LHCGR: variants seen among roughly 807,000 people sequenced by gnomAD.
LHCGR encodes the protein luteinizing hormone/choriogonadotropin receptor.
LHCGR carries 55 observed loss-of-function variants against 60.7 expected under a neutral mutation model. The ratio of observed to expected loss-of-function variants is 0.91; its 90% CI spans 0.73 to 1.13. The LOEUF (loss-of-function observed/expected upper bound fraction) is 1.13, where lower values mean the gene tolerates loss of function less well. Among genes scored for constraint, LHCGR ranks in the 50% most tolerant of loss-of-function variants. The pLI is 0.00. For synonymous variants in LHCGR, 337 were observed against 316.5 expected (o/e 1.06, Z -0.69); for missense variants, 862 against 836.0 (o/e 1.03, Z -0.38).
intron 6 of LHCGR, among the ~76,000 whole-genome samples, chr2:48,719,666 G>T (rs1446183210): frequency 6.6e-6 from 1 of 152,148 alleles, no homozygotes; most frequent in Non-Finnish European, 1.5e-5. Flanking sequence ...CATAGTTTTA[G>T]CATTAGCCCC....
chr2:48,696,310 T>C lies in LHCGR; in HGVS notation c.867-2006A>G, dbSNP rs1207172350. On this transcript the variant is annotated intron_variant, in intron 9 of 10. Coordinates refer to ENST00000294954, the MANE Select transcript of LHCGR (RefSeq NM_000233.4). ...ACTGCATTCATTAAGAATTTGGACA[T>C]TATGGAAAAGGACAGGCTCAGAAGG... Among the ~76,000 whole-genome samples the C allele has an allele frequency of 3.9e-5, 6 of 152,186 alleles. 1 individual carries two copies.
chr2:48,690,848 A>G (rs550772388), intron 10 of LHCGR, among the ~76,000 whole-genome samples: 1 of 152,356 alleles, frequency 6.6e-6, no homozygotes, highest in Admixed American at 6.5e-5. Flanking sequence ...CTTCTTGAAA[A>G]CAGAGGACTA....
At position 48,687,080 on chromosome 2, in the gene LHCGR, C is replaced by G. The variant is rs1437315126; in HGVS notation, c.*617G>C. The G allele has an allele frequency of 6.6e-6, 1 of 152,302 alleles. No individual in the cohort carries two copies. Among genetic ancestry groups the G allele is most frequent in the Non-Finnish European group, 1.5e-5 (1 of 68,148 alleles). The allele number at this position is 152,302 out of a possible 1,614,324, so 9.4% of individuals were successfully genotyped here. ...CCAGATAGGGCATAGATAAAAGTCT[C>G]TATAATAGAACAGATAGAACTTTCT... is the stretch of plus-strand genomic sequence containing the variant. On this transcript the variant is annotated 3_prime_UTR_variant, in exon 11 of 11. Coordinates refer to ENST00000294954, the MANE Select transcript of LHCGR (RefSeq NM_000233.4).
chr2:48,688,751 G>C lies in LHCGR; in HGVS notation c.1046C>G (p.Ala349Gly), dbSNP rs758729322. Reference sequence around the variant, plus strand: ...CATAATATCTTCACAGGGATTAAAAGCATCTGGTTCAGGAGCACATCGGGG... The same window carrying C: ...CATAATATCTTCACAGGGATTAAAACCATCTGGTTCAGGAGCACATCGGGG... Reference protein sequence around the residue: ...KTPRCAPEPDAFNPCEDIMGY... With the variant: ...KTPRCAPEPDGFNPCEDIMGY... Residue 349 changes from alanine to glycine, a missense_variant, in exon 11 of 11, where the codon GCT (alanine) becomes GGT (glycine). By Grantham distance (60) the Ala-to-Gly change is moderately conservative (BLOSUM62 0). Coordinates refer to ENST00000294954, the MANE Select transcript of LHCGR (RefSeq NM_000233.4). The surrounding 1 kb of genome is among the most constrained non-coding windows in gnomAD (Gnocchi z 5.2). The C allele has an allele frequency of 6.2e-7, 1 of 1,614,096 alleles. No homozygotes were observed. Among genetic ancestry groups the C allele is most frequent in the Non-Finnish European group, 8.5e-7 (1 of 1,179,972 alleles).
chr2:48,715,971 C>G (rs1231099564), intron 6 of LHCGR, among the ~76,000 whole-genome samples: 1 of 152,098 alleles, frequency 6.6e-6, no homozygotes, highest in African/African-American at 2.4e-5. Context: ...TTTGCCCTTC[C>G]CCGGGAAGGG....
At chr2:48,721,719 GT>G (rs1210291115) in intron 6 of LHCGR, 1 of 471,008 alleles carries the variant, frequency 2.1e-6, no homozygotes, top group Non-Finnish European at 4.4e-6. Flanking sequence ...TCCAATCCAT[GT>G]TTTCTCTTTT....
chr2:48,737,629 A>G (rs1669258487), intron 1 of LHCGR, among the ~76,000 whole-genome samples: 1 of 152,256 alleles, frequency 6.6e-6, no homozygotes, highest in African/African-American at 2.4e-5. Context: ...GTCTTCACTT[A>G]TTGGCCTATT....
At chr2:48,732,541 A>G (rs768643881) in intron 1 of LHCGR, among the ~76,000 whole-genome samples, 3 of 152,198 alleles carry the variant, frequency 2.0e-5, no homozygotes. Flanking sequence ...TCTCTTACAT[A>G]GCAGAAGAAA....
Position 48,723,533 on chromosome 2 carries a change from C to A in LHCGR, c.459G>T (p.Leu153=). Residue 153 remains leucine, a splice_region_variant and synonymous_variant, in exon 6 of 11, where the codon CTG becomes CTT. Coordinates refer to ENST00000294954, the MANE Select transcript of LHCGR (RefSeq NM_000233.4). The part of the protein sequence containing the change: ...KVFSSESNFI[L]EICDNLHITT... Reference sequence around the variant, plus strand: ...TTATGTGTAAGTTATCACAAATTTCCCTTGAGGAAAGAAATGAGAAATATT... The same window carrying A: ...TTATGTGTAAGTTATCACAAATTTCACTTGAGGAAAGAAATGAGAAATATT... The A allele has an allele frequency of 6.2e-7, 1 of 1,612,306 alleles. No homozygotes were observed. Among genetic ancestry groups the A allele is most frequent in the Non-Finnish European group, 8.5e-7 (1 of 1,178,464 alleles).
At chr2:48,699,553 A>G (rs1258123859) in intron 8 of LHCGR, among the ~76,000 whole-genome samples, 1 of 152,180 alleles carries the variant, frequency 6.6e-6, no homozygotes, top group African/African-American at 2.4e-5. Flanking sequence ...TCAGTCTTTG[A>G]TTGATTAAGC....
chr2:48,698,607 C>T lies in LHCGR; in HGVS notation c.866+8G>A, dbSNP rs6755901. On this transcript the variant is annotated splice_region_variant and intron_variant, in intron 9 of 10. Transcript: ENST00000294954. ...TTGGGTAGGCTTTACCTTTTGGTTT[C>T]TACTTACTCTTTTGTTGGCAAGTTT... 1,319,797 of 1,612,146 alleles carry T rather than the reference C, an allele frequency of 0.82. 546,775 individuals carry two copies. The highest frequency in any genetic ancestry group is 0.86 in the African/African-American group (64,700 of 74,952).
intron 1 of LHCGR, among the ~76,000 whole-genome samples, chr2:48,738,900 A>C (rs7595136): frequency 0.2 from 30,151 of 152,210 alleles, 5,020 homozygotes; most frequent in African/African-American, 0.44. Flanking sequence ...TGGGCACTAG[A>C]AAATTGAAAA....
Position 48,688,666 on chromosome 2 carries a change from G to A in LHCGR, c.1131C>T (p.Asn377=). The change falls in exon 11 of 11, where the codon AAC becomes AAT. Residue 377 remains asparagine, a synonymous_variant. Coordinates refer to ENST00000294954, the MANE Select transcript of LHCGR (RefSeq NM_000233.4). The surrounding 1 kb of genome is among the most constrained non-coding windows in gnomAD (Gnocchi z 5.2). Reference sequence around the variant, plus strand: ...TCAGGAGAACAAAAAGAACAGTCATGTTTCCCATGATGGCTAGAATATTAA... The same window carrying A: ...TCAGGAGAACAAAAAGAACAGTCATATTTCCCATGATGGCTAGAATATTAA... The part of the protein sequence containing the change: ...WLINILAIMG[N]MTVLFVLLTS... 1 of 1,614,170 alleles carries A rather than the reference G, an allele frequency of 6.2e-7. No individual in the cohort carries two copies. The highest frequency in any genetic ancestry group is 8.5e-7 in the Non-Finnish European group (1 of 1,180,032).
chr2:48,743,501 A>G (rs1003078459), intron 1 of LHCGR, among the ~76,000 whole-genome samples: 5 of 152,212 alleles, frequency 3.3e-5, no homozygotes, highest in Non-Finnish European at 7.3e-5. Context: ...CACCATGATC[A>G]AGTGGGCTTC....
intron 8 of LHCGR, among the ~76,000 whole-genome samples, chr2:48,703,334 A>G (rs1215689259): frequency 6.6e-6 from 1 of 152,160 alleles, no homozygotes; most frequent in Admixed American, 6.5e-5. Context: ...TGTTTTAGTC[A>G]TGTAGTCTTT....
chr2:48,689,739 G>A (rs1212527683), intron 10 of LHCGR, among the ~76,000 whole-genome samples: 2 of 151,176 alleles, frequency 1.3e-5, no homozygotes, highest in African/African-American at 2.4e-5. Context: ...TTTTTGAGAC[G>A]GAGTCTTGCT....
chr2:48,755,095 GC>G (rs569220054), intron 1 of LHCGR, among the ~76,000 whole-genome samples: 258 of 152,180 alleles, frequency 1.7e-3, no homozygotes, highest in Non-Finnish European at 2.7e-3. Flanking sequence ...ACCACAGGGT[GC>G]CAGAGCTCAC....
At chr2:48,752,469 T>C (rs932656120) in intron 1 of LHCGR, among the ~76,000 whole-genome samples, 5 of 152,070 alleles carry the variant, frequency 3.3e-5, no homozygotes, top group African/African-American at 1.2e-4. Flanking sequence ...AAGTCTATGA[T>C]AATGTAGTGC....
rs551217180 is a variant in LHCGR at position 48,747,728 on chromosome 2, T to G, written c.161+7783A>C. ...AGATGCCAGATATTCTCCTTACATC[T>G]TCACAGCATACTTCTACCTTCTTAT... On this transcript the variant is annotated intron_variant, in intron 1 of 10. Transcript: ENST00000294954. Among the ~76,000 whole-genome samples, 3 of 151,764 alleles carry G rather than the reference T, an allele frequency of 2.0e-5. No homozygotes were observed. The East Asian group carries it at 5.9e-4, about 30-fold the overall frequency.
Sources: gnomAD v4.1 joint callset for allele counts (sites outside exome capture counted in the v4.1 genomes callset) on GRCh38, gnomAD v4.1.1 for gene constraint, Gnocchi (gnomAD v3.1) non-coding constraint, MANE v1.5 for transcripts, NCBI Gene and HGNC (gene_info 2026-07-23, HGNC 2026-07-21) for gene names.